The following GALNT13 variants were observed in gnomAD, a reference collection of about 807,000 sequenced individuals.
The protein encoded by GALNT13 is UDP-GalNAc:polypeptide N-acetylgalactosaminyltransferase 13.
GALNT13 carries 28 observed loss-of-function variants against 64.2 expected under a neutral mutation model. The ratio of observed to expected loss-of-function variants is 0.44; its 90% CI spans 0.32 to 0.60. The LOEUF (loss-of-function observed/expected upper bound fraction) is 0.60, where lower values mean the gene tolerates loss of function less well. GALNT13 is among the 20% of genes least tolerant of loss of function. The pLI is 0.05. For missense variants in GALNT13, 577 were observed against 669.8 expected, an observed-to-expected ratio of 0.86 and a Z score of 1.53; for synonymous variants, 214 against 224.6, an observed-to-expected ratio of 0.95 and a Z score of 0.42.
intron 3 of GALNT13, among the ~76,000 whole-genome samples, chr2:153,947,329 C>A (rs1691831770): frequency 6.6e-6 from 1 of 151,008 alleles, no homozygotes; most frequent in African/African-American, 2.4e-5. Flanking sequence ...ATTTATGTGA[C>A]TGTGTGTGTG....
At chr2:153,264,525 A>G in the GALNT13 span, among the ~76,000 whole-genome samples, 1 of 152,242 alleles carries the variant, frequency 6.6e-6, no homozygotes, top group African/African-American at 2.4e-5. Flanking sequence ...TAGCAAAGAC[A>G]TGGAATCAAC....
At chr2:153,708,748 A>C in the GALNT13 span, among the ~76,000 whole-genome samples, 1 of 152,202 alleles carries the variant, frequency 6.6e-6, no homozygotes, top group East Asian at 1.9e-4. Flanking sequence ...GTATACTACA[A>C]AGCAATAGTA....
chr2:153,899,931 ATATATTT>A (rs1553452789), intron 1 of GALNT13, among the ~76,000 whole-genome samples: 9,137 of 101,834 alleles, frequency 0.09, 288 homozygotes, highest in East Asian at 0.17. Context: ...ATATATATAT[ATATATTT>A]TTTTTTTTTT....
the GALNT13 span, among the ~76,000 whole-genome samples, chr2:153,661,448 C>T: frequency 4.6e-5 from 7 of 152,208 alleles, no homozygotes; most frequent in South Asian, 1.0e-3. Context: ...ATATCACATC[C>T]CCAAGTTTAA....
At chr2:153,769,159 A>C in the GALNT13 span, among the ~76,000 whole-genome samples, 1 of 152,066 alleles carries the variant, frequency 6.6e-6, no homozygotes, top group East Asian at 1.9e-4. Context: ...TTGTTTTGGC[A>C]TTTCAGTTGT....
chr2:153,179,799 A>G, the GALNT13 span, among the ~76,000 whole-genome samples: 1 of 152,094 alleles, frequency 6.6e-6, no homozygotes, highest in Non-Finnish European at 1.5e-5. Flanking sequence ...AGTTATTGTA[A>G]ATGAGACTGT....
At chr2:153,130,746 A>G in the GALNT13 span, among the ~76,000 whole-genome samples, 2 of 152,182 alleles carry the variant, frequency 1.3e-5, no homozygotes, top group South Asian at 4.1e-4. Context: ...TATGAGCAGA[A>G]GAATCTTGAT....
At chr2:153,092,289 T>C in the GALNT13 span, among the ~76,000 whole-genome samples, 13 of 152,226 alleles carry the variant, frequency 8.5e-5, no homozygotes, top group African/African-American at 3.1e-4. Context: ...TTCCTCCGTT[T>C]TGTTCCTTTT....
rs538918988 is a variant in GALNT13, at chr2:154,451,210, A to C, written c.*659A>C. 7.9e-5 allele frequency: 12 copies of C among 152,298 alleles called. No homozygotes were observed. Among genetic ancestry groups the C allele is most frequent in the Non-Finnish European group, 1.6e-4 (11 of 68,044 alleles). 9.4% of individuals were successfully genotyped at this position (152,298 alleles called of 1,614,324 possible). On this transcript the variant is annotated 3_prime_UTR_variant, in exon 13 of 13. Transcript: ENST00000392825. ...ACATAAAAAAAGAAATCCGCGAAGCATTGAGGGGAACAAGATGAGTCTAAT... is the reference window on the plus strand; with the variant it reads ...ACATAAAAAAAGAAATCCGCGAAGCCTTGAGGGGAACAAGATGAGTCTAAT...
chr2:154,110,983 A>G (rs1184387968), intron 3 of GALNT13, among the ~76,000 whole-genome samples: 4 of 152,230 alleles, frequency 2.6e-5, no homozygotes, highest in Non-Finnish European at 5.9e-5. Context: ...TAAAGTCAAT[A>G]AATCTTATGT....
chr2:153,815,282 C>G, the GALNT13 span, among the ~76,000 whole-genome samples: 1 of 152,106 alleles, frequency 6.6e-6, no homozygotes. Flanking sequence ...AGCTGGTGAT[C>G]AAACAAAATC....
At chr2:154,187,437 C>T (rs1284897600) in intron 4 of GALNT13, among the ~76,000 whole-genome samples, 1 of 150,570 alleles carries the variant, frequency 6.6e-6, no homozygotes, top group Non-Finnish European at 1.5e-5. Flanking sequence ...GTTTGGAAAC[C>T]TCAGGTGGAA....
At chr2:153,105,392 T>A in the GALNT13 span, among the ~76,000 whole-genome samples, 1 of 152,062 alleles carries the variant, frequency 6.6e-6, no homozygotes, top group Non-Finnish European at 1.5e-5. Flanking sequence ...AAGAGCTATC[T>A]ATGACAAACC....
chr2:153,503,702 A>G, the GALNT13 span, among the ~76,000 whole-genome samples: 4 of 152,068 alleles, frequency 2.6e-5, no homozygotes, highest in South Asian at 2.1e-4. Context: ...CGGCCTCCCA[A>G]AGTGCTAGGA....
the GALNT13 span, among the ~76,000 whole-genome samples, chr2:153,708,034 A>C: frequency 6.6e-6 from 1 of 152,170 alleles, no homozygotes; most frequent in African/African-American, 2.4e-5. Flanking sequence ...TCATCATGTT[A>C]AAACGGATCT....
the GALNT13 span, among the ~76,000 whole-genome samples, chr2:153,388,297 G>A: frequency 6.6e-6 from 1 of 151,992 alleles, no homozygotes; most frequent in Non-Finnish European, 1.5e-5. Flanking sequence ...AAGATCTAGT[G>A]GTTATAAAAA....
At chr2:153,808,754 CCTTAT>C in the GALNT13 span, among the ~76,000 whole-genome samples, 6 of 152,106 alleles carry the variant, frequency 3.9e-5, no homozygotes, top group Non-Finnish European at 8.8e-5. Flanking sequence ...CTGTCATCTG[CCTTAT>C]CTTTTTTCTT....
chr2:154,102,430 T>C (rs892180930), intron 3 of GALNT13, among the ~76,000 whole-genome samples: 3 of 152,128 alleles, frequency 2.0e-5, no homozygotes, highest in East Asian at 1.9e-4. Context: ...ACAACTTTAG[T>C]GCTAGCATAA....
At chr2:153,755,079 T>G in the GALNT13 span, among the ~76,000 whole-genome samples, 1 of 152,194 alleles carries the variant, frequency 6.6e-6, no homozygotes, top group Non-Finnish European at 1.5e-5. Flanking sequence ...GGAAGAGTGG[T>G]GTCTGTAATT....
Sources: gnomAD v4.1 joint callset for allele counts (sites outside exome capture counted in the v4.1 genomes callset) on GRCh38, gnomAD v4.1.1 for gene constraint, MANE v1.5 for transcripts, NCBI Gene and HGNC (gene_info 2026-07-23, HGNC 2026-07-21) for gene names.